The following MAP2 variants were observed in gnomAD, a reference collection of about 807,000 sequenced individuals.
MAP2 encodes microtubule associated protein 2.
In MAP2, 14 loss-of-function variants were observed where a neutral mutation model predicts 137.6. The observed-to-expected ratio is 0.10, with a 90% CI of 0.07 to 0.16. The LOEUF is 0.16. Ranked by LOEUF, MAP2 falls within the 10% of genes least tolerant of loss-of-function variation. The pLI is 1.00. For missense variants in MAP2, 2,088 were observed against 2,191.5 expected, an observed-to-expected ratio of 0.95 and a Z score of 0.94; for synonymous variants, 786 against 782.3, an observed-to-expected ratio of 1.00 and a Z score of -0.08.
chr2:209,697,482 T>C (rs1211341396), intron 10 of MAP2, among the ~76,000 whole-genome samples: 1 of 152,192 alleles, frequency 6.6e-6, no homozygotes. Flanking sequence ...TGTTGATGAA[T>C]TTATTGAAAA....
chr2:209,566,623 T>G (rs1011461167), intron 2 of MAP2, among the ~76,000 whole-genome samples: 2 of 152,232 alleles, frequency 1.3e-5, no homozygotes, highest in Non-Finnish European at 2.9e-5. Flanking sequence ...CATTTAATTC[T>G]TTTTTCAAGT....
chr2:209,654,289 A>G (rs1042185438), intron 5 of MAP2, among the ~76,000 whole-genome samples: 1 of 152,214 alleles, frequency 6.6e-6, no homozygotes, highest in Non-Finnish European at 1.5e-5. Flanking sequence ...CTTTGCAAAA[A>G]TAGGTTTTCA....
At chr2:209,637,670 C>A (rs960007877) in intron 4 of MAP2, among the ~76,000 whole-genome samples, 1 of 152,048 alleles carries the variant, frequency 6.6e-6, no homozygotes, top group Non-Finnish European at 1.5e-5. Context: ...TTTCTCCTCA[C>A]TTACTACAGT....
chr2:209,479,638 A>G (rs1708246704), intron 1 of MAP2, among the ~76,000 whole-genome samples: 1 of 152,120 alleles, frequency 6.6e-6, no homozygotes, highest in African/African-American at 2.4e-5. Context: ...CAAATTATAG[A>G]AAAATTCAGA....
At chr2:209,559,374 C>A (rs1021167394) in intron 2 of MAP2, among the ~76,000 whole-genome samples, 1 of 150,700 alleles carries the variant, frequency 6.6e-6, no homozygotes, top group Non-Finnish European at 1.5e-5. Flanking sequence ...TGGCTCACAC[C>A]TGTAATCCCA....
chr2:209,441,414 C>T (rs954869145), intron 1 of MAP2, among the ~76,000 whole-genome samples: 7 of 151,494 alleles, frequency 4.6e-5, no homozygotes, highest in African/African-American at 1.7e-4. Context: ...CTACCAATGT[C>T]TATTTAAATT....
chr2:209,726,658 G>A (rs1448393900), intron 14 of MAP2, among the ~76,000 whole-genome samples: 1 of 152,120 alleles, frequency 6.6e-6, no homozygotes, highest in African/African-American at 2.4e-5. Context: ...TAGCTACTTT[G>A]GAGGCTGAGG....
intron 4 of MAP2, among the ~76,000 whole-genome samples, chr2:209,628,195 G>A (rs540473419): frequency 4.3e-4 from 66 of 152,090 alleles, no homozygotes; most frequent in East Asian, 4.3e-3. Context: ...TGAAACCCCC[G>A]TCTCTACTAA....
intron 13 of MAP2, among the ~76,000 whole-genome samples, chr2:209,723,976 T>C (rs1270811833): frequency 1.3e-5 from 2 of 152,222 alleles, no homozygotes; most frequent in East Asian, 3.8e-4. Context: ...TTGCCAACTT[T>C]GTTGCTGGCC....
At chr2:209,617,594 CTT>C (rs761752124) in intron 3 of MAP2, among the ~76,000 whole-genome samples, 36 of 152,110 alleles carry the variant, frequency 2.4e-4, no homozygotes, top group Non-Finnish European at 3.7e-4. Flanking sequence ...AGGAGAGACT[CTT>C]TGCTTCTTTG....
rs189076046 is a variant in MAP2, at chr2:209,517,246, T to G, written c.-172+9605T>G. On this transcript the variant is annotated intron_variant, in intron 2 of 15. Coordinates refer to ENST00000682079, the MANE Select transcript of MAP2 (RefSeq NM_001375505.1). The stretch of plus-strand genomic sequence containing the variant: ...TTAGATAGTTTTTGAAAATTTTCTT[T>G]TTGGTGATCACTGAAGTTCTCTGTT... Among the ~76,000 whole-genome samples, 187 of 152,226 alleles carry G rather than the reference T, an allele frequency of 1.2e-3. 1 individual carries two copies. The highest frequency in any genetic ancestry group is 4.2e-3 in the African/African-American group (174 of 41,564).
chr2:209,473,842 A>C (rs1412239306), intron 1 of MAP2, among the ~76,000 whole-genome samples: 1 of 152,218 alleles, frequency 6.6e-6, no homozygotes, highest in African/African-American at 2.4e-5. Flanking sequence ...ACAATGACTA[A>C]ATACATATTT....
chr2:209,553,764 A>G (rs190436585), intron 2 of MAP2, among the ~76,000 whole-genome samples: 39 of 152,308 alleles, frequency 2.6e-4, no homozygotes, highest in African/African-American at 9.4e-4. Flanking sequence ...GAATGTTATC[A>G]TTGCCTAAAT....
intron 2 of MAP2, among the ~76,000 whole-genome samples, chr2:209,525,830 A>G (rs1298811359): frequency 6.6e-6 from 1 of 152,148 alleles, no homozygotes; most frequent in Admixed American, 6.6e-5. Flanking sequence ...TTTCTTTAGA[A>G]TTTCTCTTTT....
chr2:209,518,194 T>C (rs9917164), intron 2 of MAP2, among the ~76,000 whole-genome samples: 5 of 151,880 alleles, frequency 3.3e-5, no homozygotes, highest in African/African-American at 1.2e-4. Context: ...TGTGAATGCT[T>C]TAAATGTATT....
intron 1 of MAP2, among the ~76,000 whole-genome samples, chr2:209,435,990 T>TATATACAG: frequency 2.3e-5 from 2 of 87,960 alleles, no homozygotes; most frequent in South Asian, 6.0e-4. Flanking sequence ...ACAGTATATA[T>TATATACAG]TATATACTAT....
intron 2 of MAP2, among the ~76,000 whole-genome samples, chr2:209,513,227 C>T (rs534951574): frequency 6.6e-5 from 10 of 152,134 alleles, no homozygotes; most frequent in Non-Finnish European, 1.0e-4. Flanking sequence ...TGGTCAACTT[C>T]CAGTACCTTC....
chr2:209,606,102 C>T (rs1559396324), intron 3 of MAP2, among the ~76,000 whole-genome samples: 1 of 151,838 alleles, frequency 6.6e-6, no homozygotes, highest in Non-Finnish European at 1.5e-5. Flanking sequence ...AAAATTTCTC[C>T]AATGTGTAAA....
chr2:209,689,930 A>C (rs1307886033), intron 7 of MAP2, among the ~76,000 whole-genome samples: 1 of 152,178 alleles, frequency 6.6e-6, no homozygotes, highest in Non-Finnish European at 1.5e-5. Flanking sequence ...AACATCATAC[A>C]ATGCAATGAA....
Sources: allele counts gnomAD v4.1 joint callset (sites outside exome capture counted in the v4.1 genomes callset), GRCh38; gene constraint gnomAD v4.1.1; transcripts MANE v1.5; gene names NCBI Gene and HGNC (gene_info 2026-07-23, HGNC 2026-07-21).